VWC2L: variants seen among roughly 807,000 people sequenced by gnomAD.
VWC2L encodes the protein von Willebrand factor C domain-containing protein 2-like.
Under a neutral mutation model 21.6 loss-of-function variants are expected in VWC2L, and 10 were observed. The ratio of observed to expected loss-of-function variants is 0.46; its 90% CI spans 0.29 to 0.78. The LOEUF (loss-of-function observed/expected upper bound fraction) is 0.78, where lower values mean the gene tolerates loss of function less well. Ranked by LOEUF, VWC2L falls within the 30% of genes least tolerant of loss-of-function variation. The pLI is 0.10. For synonymous variants in VWC2L, 96 were observed against 94.3 expected (o/e 1.02, Z -0.10); for missense variants, 209 against 277.1 (o/e 0.75, Z 1.74).
intron 3 of VWC2L, among the ~76,000 whole-genome samples, chr2:214,454,801 A>G (rs1703031337): frequency 1.3e-5 from 2 of 151,388 alleles, no homozygotes; most frequent in South Asian, 2.1e-4. Flanking sequence ...ATGGAGTTTC[A>G]CCGTGTTAGC....
chr2:214,489,648 C>G (rs1259840415), intron 3 of VWC2L, among the ~76,000 whole-genome samples: 1 of 152,152 alleles, frequency 6.6e-6, no homozygotes, highest in Non-Finnish European at 1.5e-5. Context: ...AGAGAAAGAG[C>G]AGATTATGAG....
intron 3 of VWC2L, among the ~76,000 whole-genome samples, chr2:214,455,686 C>T (rs1182571256): frequency 1.3e-5 from 2 of 152,162 alleles, no homozygotes. Flanking sequence ...ATAATCCCCT[C>T]ATTAACTCAC....
rs56041924 is a variant in VWC2L at position 214,470,916 on chromosome 2, C to CAAAAAAAAAAAAAAAAA, written c.520+34169_520+34185dup. On this transcript the variant is annotated intron_variant, in intron 3 of 3. Transcript: ENST00000312504. ...TGGGCAACAGAGTGAAACTCCATCT[C>CAAAAAAAAAAAAAAAAA]AAAAAAAAAAAAAAAAAAAAAAAAA... 5.3e-4 allele frequency among the ~76,000 whole-genome samples: 27 copies of CAAAAAAAAAAAAAAAAA among 50,796 alleles called. 2 individuals are homozygous for CAAAAAAAAAAAAAAAAA. The highest frequency in any genetic ancestry group is 2.6e-3 in the African/African-American group (26 of 9,968). The allele number at this position is 50,796 out of a possible 152,430, so 33.3% of individuals were successfully genotyped here. A position where few individuals can be genotyped will look rare whatever the true frequency, so the allele number is the denominator to read the frequency against.
chr2:214,474,413 G>A (rs949217658), intron 3 of VWC2L, among the ~76,000 whole-genome samples: 17 of 152,090 alleles, frequency 1.1e-4, no homozygotes, highest in Admixed American at 1.1e-3. Context: ...GACTTTCTCT[G>A]CCTGCCTCCC....
chr2:214,434,042 A>C (rs1702641489), intron 2 of VWC2L, among the ~76,000 whole-genome samples: 1 of 152,220 alleles, frequency 6.6e-6, no homozygotes, highest in African/African-American at 2.4e-5. Context: ...TGAGTCAGAA[A>C]GGGATGGCGT....
At chr2:214,495,722 GA>G (rs1284524293) in intron 3 of VWC2L, among the ~76,000 whole-genome samples, 1 of 151,968 alleles carries the variant, frequency 6.6e-6, no homozygotes, top group African/African-American at 2.4e-5. Flanking sequence ...TGCTTACCTT[GA>G]AAACACCATT....
At chr2:214,469,833 T>G (rs1703278129) in intron 3 of VWC2L, among the ~76,000 whole-genome samples, 1 of 152,196 alleles carries the variant, frequency 6.6e-6, no homozygotes, top group Non-Finnish European at 1.5e-5. Context: ...AAGAGCGGAC[T>G]AAGAAAAAAT....
At chr2:214,467,508 C>A (rs1178993708) in intron 3 of VWC2L, among the ~76,000 whole-genome samples, 1 of 152,184 alleles carries the variant, frequency 6.6e-6, no homozygotes, top group Non-Finnish European at 1.5e-5. Flanking sequence ...TTATTAGTTA[C>A]CCATCTCTCA....
At chr2:214,514,008 G>A (rs1444090580) in intron 3 of VWC2L, among the ~76,000 whole-genome samples, 2 of 152,078 alleles carry the variant, frequency 1.3e-5, no homozygotes, top group Non-Finnish European at 2.9e-5. Flanking sequence ...GATGGAGCAA[G>A]TATCTTTGGC....
chr2:214,468,540 A>C (rs1703258710), intron 3 of VWC2L, among the ~76,000 whole-genome samples: 1 of 152,236 alleles, frequency 6.6e-6, no homozygotes, highest in Non-Finnish European at 1.5e-5. Context: ...TTTCTAATTG[A>C]CTACCTTAAA....
At chr2:214,424,700 CA>C (rs1702496462) in intron 2 of VWC2L, among the ~76,000 whole-genome samples, 1 of 152,004 alleles carries the variant, frequency 6.6e-6, no homozygotes, top group Non-Finnish European at 1.5e-5. Context: ...TTAAAGTTCA[CA>C]AAAGTTCAAT....
chr2:214,555,012 T>C (rs1689853413), intron 3 of VWC2L, among the ~76,000 whole-genome samples: 1 of 152,212 alleles, frequency 6.6e-6, no homozygotes, highest in African/African-American at 2.4e-5. Flanking sequence ...GTTTGGCACA[T>C]GTCTGATAAA....
chr2:214,500,485 C>G (rs2126205643), intron 3 of VWC2L, among the ~76,000 whole-genome samples: 1 of 152,312 alleles, frequency 6.6e-6, no homozygotes, highest in South Asian at 2.1e-4. Flanking sequence ...TACTGCAACT[C>G]TAACCATTTC....
At chr2:214,498,340 A>G (rs2126204510) in intron 3 of VWC2L, among the ~76,000 whole-genome samples, 1 of 152,270 alleles carries the variant, frequency 6.6e-6, no homozygotes. Flanking sequence ...CAGAGGGGAA[A>G]GACATAAAGT....
intron 3 of VWC2L, among the ~76,000 whole-genome samples, chr2:214,573,437 G>A (rs139749442): frequency 2.4e-4 from 36 of 152,246 alleles, no homozygotes; most frequent in African/African-American, 7.7e-4. Flanking sequence ...TACAATTGGG[G>A]TAAACAGACT....
intron 3 of VWC2L, among the ~76,000 whole-genome samples, chr2:214,553,825 T>G (rs1459777461): frequency 6.6e-6 from 1 of 152,144 alleles, no homozygotes; most frequent in Non-Finnish European, 1.5e-5. Context: ...GGTCCATCAG[T>G]TGGCTGAGAG....
chr2:214,416,565 A>G (rs1295337603), intron 2 of VWC2L, among the ~76,000 whole-genome samples: 1 of 152,060 alleles, frequency 6.6e-6, no homozygotes, highest in Non-Finnish European at 1.5e-5. Flanking sequence ...TGAGACCAAA[A>G]AAGTATAAAT....
intron 3 of VWC2L, among the ~76,000 whole-genome samples, chr2:214,500,477 C>T (rs184083537): frequency 1.7e-3 from 253 of 152,310 alleles, no homozygotes; most frequent in African/African-American, 5.7e-3. Context: ...TATATGGCTA[C>T]TGCAACTCTA....
At chr2:214,442,790 TA>T (rs1269025958) in intron 3 of VWC2L, among the ~76,000 whole-genome samples, 1 of 152,044 alleles carries the variant, frequency 6.6e-6, no homozygotes, top group Non-Finnish European at 1.5e-5. Flanking sequence ...GATTGCAAAC[TA>T]AAAAAATGAA....
Sources: gnomAD v4.1 joint callset for allele counts (sites outside exome capture counted in the v4.1 genomes callset) on GRCh38, gnomAD v4.1.1 for gene constraint, MANE v1.5 for transcripts, NCBI Gene and HGNC (gene_info 2026-07-23, HGNC 2026-07-21) for gene names.